Variants in GRID2 observed in about 807,000 individuals in gnomAD.
The protein encoded by GRID2 is glutamate receptor ionotropic, delta-2.
Under a neutral mutation model 114.8 loss-of-function variants are expected in GRID2, and 33 were observed. That is an observed-to-expected ratio of 0.29 (90% CI 0.22 to 0.38). The LOEUF (loss-of-function observed/expected upper bound fraction) is 0.38, where lower values mean the gene tolerates loss of function less well. Ranked by LOEUF, GRID2 falls within the 10% of genes least tolerant of loss-of-function variation. GRID2 has a pLI of 1.00. For synonymous variants in GRID2, 505 were observed against 449.9 expected (o/e 1.12, Z -1.55); for missense variants, 1,184 against 1,257.7 (o/e 0.94, Z 0.89).
At chr4:92,406,668 A>T (rs985232677) in intron 1 of GRID2, among the ~76,000 whole-genome samples, 1 of 151,156 alleles carries the variant, frequency 6.6e-6, no homozygotes, top group Non-Finnish European at 1.5e-5. Flanking sequence ...AAGCATAGTA[A>T]CCAACAGGTG....
chr4:93,706,132 C>T (rs1244115208), intron 14 of GRID2, among the ~76,000 whole-genome samples: 1 of 152,150 alleles, frequency 6.6e-6, no homozygotes, highest in Admixed American at 6.5e-5. Flanking sequence ...TAGTTTTGTT[C>T]ATTTTGCACC....
chr4:92,444,682 G>C (rs1733351476), intron 1 of GRID2, among the ~76,000 whole-genome samples: 1 of 152,104 alleles, frequency 6.6e-6, no homozygotes, highest in Non-Finnish European at 1.5e-5. Context: ...AATGTAAAAA[G>C]GGGGCGTTTG....
At position 93,455,764 on chromosome 4, in the gene GRID2, C is replaced by T. The variant is rs866248345; in HGVS notation, c.1648C>T (p.Arg550Ter). The change falls in exon 11 of 16, where the codon CGA becomes TGA. Residue 550 changes from arginine to a stop codon, truncating the protein, a stop_gained. Transcript: ENST00000282020. LOFTEE classifies it high-confidence loss of function. ...GGACTACTCAGTGGGGGTACTACTT[C>T]GAAGGGCTGAAAAGACAGTGGATAT... ...YMDYSVGVLL[R>*]RAEKTVDMFA... is the part of the protein sequence containing the mutation. 1 of 1,612,424 alleles carries T rather than the reference C, an allele frequency of 6.2e-7. No individual in the cohort carries two copies. Among genetic ancestry groups the T allele is most frequent in the Non-Finnish European group, 8.5e-7 (1 of 1,178,562 alleles).
At chr4:93,548,911 G>A (rs1733495766) in intron 13 of GRID2, among the ~76,000 whole-genome samples, 1 of 151,910 alleles carries the variant, frequency 6.6e-6, no homozygotes, top group South Asian at 2.1e-4. Flanking sequence ...ACCAGATCTG[G>A]ATTGTGACCT....
At chr4:93,263,502 A>G (rs1750481202) in intron 8 of GRID2, among the ~76,000 whole-genome samples, 1 of 152,170 alleles carries the variant, frequency 6.6e-6, no homozygotes, top group Non-Finnish European at 1.5e-5. Flanking sequence ...TTTTCTATAT[A>G]TGGAAAAATA....
chr4:93,250,937 G>C (rs1387727977), intron 8 of GRID2, among the ~76,000 whole-genome samples: 1 of 151,662 alleles, frequency 6.6e-6, no homozygotes, highest in Admixed American at 6.6e-5. Context: ...TGGTTTTTGA[G>C]GGGAGGTTAT....
At chr4:92,921,371 G>A (rs532748035) in intron 2 of GRID2, among the ~76,000 whole-genome samples, 73 of 152,260 alleles carry the variant, frequency 4.8e-4, no homozygotes, top group African/African-American at 1.7e-3. Context: ...TCTCCATCCA[G>A]CTTTGTTCCA....
chr4:92,442,248 G>A (rs1006693792), intron 1 of GRID2, among the ~76,000 whole-genome samples: 4 of 151,994 alleles, frequency 2.6e-5, no homozygotes, highest in Non-Finnish European at 5.9e-5. Context: ...AAGCCGAGAA[G>A]ATCTGGGAAG....
rs74964062 is a variant in GRID2, at chr4:92,915,214, T to C, written c.245-169781T>C. Among the ~76,000 whole-genome samples the C allele has an allele frequency of 5.4e-3, 826 of 152,288 alleles. 7 individuals are homozygous for C. The highest frequency in any genetic ancestry group is 0.019 in the African/African-American group (791 of 41,566). On this transcript the variant is annotated intron_variant, in intron 2 of 15. Coordinates refer to ENST00000282020, the MANE Select transcript of GRID2 (RefSeq NM_001510.4). ...AAACCGCCCCCATTATTCAGTTATC[T>C]TCACTTGGTCTCTCCCTTGACACAT...
intron 1 of GRID2, among the ~76,000 whole-genome samples, chr4:92,536,998 AG>A (rs1725670385): frequency 6.6e-6 from 1 of 152,322 alleles, no homozygotes; most frequent in Admixed American, 6.5e-5. Flanking sequence ...CTCAGAGAAA[AG>A]GAGACATGCA....
chr4:93,560,482 G>A (rs1390455249), intron 13 of GRID2, among the ~76,000 whole-genome samples: 1 of 151,978 alleles, frequency 6.6e-6, no homozygotes. Flanking sequence ...CAGATCTCAT[G>A]TGAACTCACT....
At chr4:92,550,091 T>G (rs1726500650) in intron 1 of GRID2, among the ~76,000 whole-genome samples, 1 of 152,266 alleles carries the variant, frequency 6.6e-6, no homozygotes, top group Middle Eastern at 3.4e-3. Context: ...AATAAGACAT[T>G]GATATATACA....
chr4:93,309,954 G>T (rs1306497291), intron 8 of GRID2, among the ~76,000 whole-genome samples: 1 of 152,068 alleles, frequency 6.6e-6, no homozygotes, highest in Non-Finnish European at 1.5e-5. Context: ...TACATATTGT[G>T]CAGGGTGTAT....
chr4:92,990,059 C>G (rs1201523232), intron 2 of GRID2, among the ~76,000 whole-genome samples: 3 of 151,908 alleles, frequency 2.0e-5, no homozygotes, highest in African/African-American at 2.4e-5. Context: ...AGTAATCAAA[C>G]AAAATAAAGA....
chr4:93,359,415 C>T (rs2149272357), intron 8 of GRID2, among the ~76,000 whole-genome samples: 1 of 151,934 alleles, frequency 6.6e-6, no homozygotes, highest in South Asian at 2.1e-4. Context: ...AAGCATTTAT[C>T]ATTTGAGCTA....
At chr4:93,380,149 A>G (rs1200080247) in intron 8 of GRID2, among the ~76,000 whole-genome samples, 1 of 152,094 alleles carries the variant, frequency 6.6e-6, no homozygotes, top group Non-Finnish European at 1.5e-5. Context: ...TCGTTATGGA[A>G]TATCTGAGTG....
At chr4:92,961,208 T>G (rs1289635145) in intron 2 of GRID2, among the ~76,000 whole-genome samples, 4 of 151,942 alleles carry the variant, frequency 2.6e-5, no homozygotes, top group Non-Finnish European at 5.9e-5. Flanking sequence ...CAAATTATTG[T>G]CCATTTGATA....
At chr4:92,734,909 G>T (rs916072932) in intron 2 of GRID2, among the ~76,000 whole-genome samples, 3 of 151,448 alleles carry the variant, frequency 2.0e-5, no homozygotes, top group South Asian at 4.2e-4. Flanking sequence ...CCTCCAAGTA[G>T]CTGGGAGTAC....
chr4:93,392,931 G>A (rs1764991776), intron 8 of GRID2, among the ~76,000 whole-genome samples: 1 of 151,766 alleles, frequency 6.6e-6, no homozygotes, highest in Non-Finnish European at 1.5e-5. Context: ...TAATGGTAAG[G>A]GCACCTTCTC....
Sources: gnomAD v4.1 joint callset for allele counts (sites outside exome capture counted in the v4.1 genomes callset) on GRCh38, gnomAD v4.1.1 for gene constraint, MANE v1.5 for transcripts, NCBI Gene and HGNC (gene_info 2026-07-23, HGNC 2026-07-21) for gene names.